The following DSG2 variants were observed in gnomAD, a reference collection of about 807,000 sequenced individuals.
The protein encoded by DSG2 is desmoglein 2.
In DSG2, 45 loss-of-function variants were observed where a neutral mutation model predicts 75.6. The ratio of observed to expected loss-of-function variants is 0.60; its 90% confidence interval spans 0.47 to 0.76. The LOEUF is 0.76. Among genes scored for constraint, DSG2 ranks in the 30% least tolerant of loss-of-function variants. The probability of loss-of-function intolerance (pLI) is 0.00; values close to 1 mark genes in which losing one functional copy is unlikely to be tolerated. For synonymous variants in DSG2, 429 were observed against 483.9 expected, an observed-to-expected ratio of 0.89 and a Z score of 1.49; for missense variants, 1,267 against 1,357.4, an observed-to-expected ratio of 0.93 and a Z score of 1.05.
chr18:31,498,344 G>C (rs1335162397), intron 1 of DSG2, 48 bp downstream of exon 1: 12 of 1,249,598 alleles, frequency 9.6e-6, no homozygotes, highest in Non-Finnish European at 1.2e-5. Context: ...GGAGGGCGTC[G>C]GTAGGCGAGG....
intron 1 of DSG2, 86 bp downstream of exon 1, chr18:31,498,382 C>A: frequency 8.2e-7 from 1 of 1,224,574 alleles, no homozygotes; most frequent in Non-Finnish European, 1.0e-6. Context: ...GACTTGCCCG[C>A]CGCCCTTGTG....
intron 8 of DSG2, among the ~76,000 whole-genome samples, chr18:31,528,709 C>CAAA (rs561370463): frequency 2.7e-5 from 2 of 74,812 alleles, no homozygotes; most frequent in African/African-American, 4.5e-5. Context: ...GACTCCATCT[C>CAAA]AAAAAAAAAA....
chr18:31,537,933 G>T (rs1031105348), intron 11 of DSG2, among the ~76,000 whole-genome samples: 1 of 152,094 alleles, frequency 6.6e-6, no homozygotes, highest in Non-Finnish European at 1.5e-5. Flanking sequence ...GGCAGAGGTT[G>T]CAGTGAGCCA....
intron 1 of DSG2, among the ~76,000 whole-genome samples, chr18:31,510,894 G>A (rs955353333): frequency 5.3e-5 from 8 of 152,130 alleles, no homozygotes; most frequent in Non-Finnish European, 1.2e-4. Flanking sequence ...TTTAGTGTTT[G>A]GAGGAAACCT....
intron 1 of DSG2, among the ~76,000 whole-genome samples, chr18:31,498,660 G>T (rs1016483241): frequency 6.6e-6 from 1 of 152,150 alleles, no homozygotes; most frequent in African/African-American, 2.4e-5. Context: ...GACGAGAAAC[G>T]TGGAGGCAAT....
intron 11 of DSG2, 79 bp downstream of exon 11, chr18:31,536,508 T>G: frequency 7.2e-7 from 1 of 1,380,620 alleles, no homozygotes; most frequent in Admixed American, 2.0e-5. Flanking sequence ...GTATTTCTTC[T>G]CATAAATTAT....
rs1453091429 is a variant in DSG2 at position 31,536,462 on chromosome 18, A to G, written c.1651+33A>G. ...AAATCACTGGACTACATAGAAATCT[A>G]AATATTAAGCATGATATCTAAAATA... On this transcript the variant is annotated intron_variant, in intron 11 of 14. Transcript: ENST00000261590. The G allele has an allele frequency of 1.9e-6, 3 of 1,560,788 alleles. No individual in the cohort carries two copies. The South Asian group carries it at 3.4e-5, about 18-fold the overall frequency.
intron 13 of DSG2, chr18:31,542,278 G>A: frequency 1.7e-6 from 1 of 576,798 alleles, no homozygotes; most frequent in South Asian, 2.0e-5. Context: ...GAGTAAAGGA[G>A]CTGAGACTGT....
rs541961117 is a variant in DSG2, at chr18:31,508,915, G to C, written c.46-9324G>C. Among the ~76,000 whole-genome samples the C allele has an allele frequency of 6.6e-5, 10 of 152,178 alleles. No homozygotes were observed. The South Asian group carries it at 1.2e-3, about 19-fold the overall frequency. ...GGAAACTTGTTAGATACAAATTCTT[G>C]GACCCCATCCAGACCTACTGAGTCA... On this transcript the variant is annotated intron_variant, in intron 1 of 14. Coordinates refer to ENST00000261590, the MANE Select transcript of DSG2 (RefSeq NM_001943.5).
rs1491095224 is a variant in DSG2, at chr18:31,547,341, CAG to C, written c.*599_*600del. ...ACATTGTATGTTTCTGTGCACATGA[CAG>C]TGTGTGTGTGTGCACGTACATACTG... On this transcript the variant is annotated 3_prime_UTR_variant, in exon 15 of 15. Coordinates refer to ENST00000261590, the MANE Select transcript of DSG2 (RefSeq NM_001943.5). 12 of 183,190 alleles carry C rather than the reference CAG, an allele frequency of 6.6e-5. No individual in the cohort carries two copies. In the East Asian group the frequency reaches 1.5e-3, roughly 24 times the overall value. The allele number at this position is 183,190 out of a possible 1,614,324, so 11.3% of individuals were successfully genotyped here. A position where few individuals can be genotyped will look rare whatever the true frequency, so the allele number is the denominator to read the frequency against.
chr18:31,517,941 C>T (rs1030639772), intron 1 of DSG2, among the ~76,000 whole-genome samples: 8 of 151,952 alleles, frequency 5.3e-5, no homozygotes, highest in Non-Finnish European at 2.9e-5. Flanking sequence ...CCATAGGATG[C>T]GGAGTAAAGG....
At chr18:31,542,960 T>G (rs201183023) in intron 14 of DSG2, 108 bp downstream of exon 14, 20 of 269,258 alleles carry the variant, frequency 7.4e-5, no homozygotes, top group Non-Finnish European at 8.6e-5. Flanking sequence ...AGACTTTGGG[T>G]TTTTTTTTTT....
At chr18:31,530,094 C>A (rs1293653791) in intron 8 of DSG2, among the ~76,000 whole-genome samples, 4 of 152,008 alleles carry the variant, frequency 2.6e-5, no homozygotes, top group Non-Finnish European at 5.9e-5. Context: ...AAAGGTTAAT[C>A]TTTTATGGAA....
At position 31,546,050 on chromosome 18, in the gene DSG2, C is replaced by A. The variant is rs773831600; in HGVS notation, c.2664C>A (p.Phe888Leu). The change falls in exon 15 of 15, where the codon TTC (phenylalanine) becomes TTA (leucine). Residue 888 changes from phenylalanine to leucine, a missense_variant. Transcript: ENST00000261590. Reference protein sequence around the residue: ...SENTYSSGSSFPVPKSLQEAN... With the variant: ...SENTYSSGSSLPVPKSLQEAN... ...ATACCTACTCCTCTGGCAGTAGCTTCCCAGTTCCAAAATCTTTGCAAGAAG... is the reference window on the plus strand; with the variant it reads ...ATACCTACTCCTCTGGCAGTAGCTTACCAGTTCCAAAATCTTTGCAAGAAG... 9 of 1,614,050 alleles carry A rather than the reference C, an allele frequency of 5.6e-6. No homozygotes were observed.
intron 8 of DSG2, among the ~76,000 whole-genome samples, chr18:31,525,391 T>C (rs2073157327): frequency 1.3e-5 from 2 of 151,996 alleles, no homozygotes; most frequent in Admixed American, 1.3e-4. Context: ...TGGCGGCACA[T>C]GCCTGTAGTC....
intron 10 of DSG2, 102 bp downstream of exon 10, chr18:31,535,514 G>A (rs766111385): frequency 8.5e-5 from 97 of 1,137,730 alleles, no homozygotes; most frequent in Non-Finnish European, 1.1e-4. Flanking sequence ...ACCTAATCTC[G>A]GCCGGGAGCA....
rs397516701 is a variant in DSG2, at chr18:31,531,176, G to A, written c.1204G>A (p.Asp402Asn). The change falls in exon 9 of 15, where the codon GAT becomes AAT. Residue 402 changes from aspartate to asparagine, a missense_variant. Physicochemically the swap from Asp to Asn is conservative, Grantham distance 23. Coordinates refer to ENST00000261590, the MANE Select transcript of DSG2 (RefSeq NM_001943.5). ...CTCAATTTATGTTAGCGAGAGCATG[G>A]ATAGATCAAGCAAAGGCCAAATAAT... ...VISIYVSESM[D>N]RSSKGQIIGN... The A allele has an allele frequency of 1.2e-5, 20 of 1,614,148 alleles. No homozygotes were observed. The South Asian group carries it at 2.1e-4, about 17-fold the overall frequency.
rs370838110 is a variant in DSG2 at position 31,547,003 on chromosome 18, C to T, written c.*260C>T. The T allele has an allele frequency of 1.9e-6, 1 of 534,884 alleles. No individual in the cohort carries two copies. 33.1% of individuals were successfully genotyped at this position (534,884 alleles called of 1,614,324 possible). On this transcript the variant is annotated 3_prime_UTR_variant, in exon 15 of 15. Coordinates refer to ENST00000261590, the MANE Select transcript of DSG2 (RefSeq NM_001943.5). ...CCTTTTAGCAAGCTATGCAAACAAT[C>T]CTGATAAAACAAGATACATAGAGAG...
intron 1 of DSG2, among the ~76,000 whole-genome samples, chr18:31,513,065 G>T (rs1488832622): frequency 6.6e-6 from 1 of 152,148 alleles, no homozygotes; most frequent in Non-Finnish European, 1.5e-5. Flanking sequence ...TCTTTAATTT[G>T]CACATCAGCC....
Sources: allele counts gnomAD v4.1 joint callset (sites outside exome capture counted in the v4.1 genomes callset), GRCh38; gene constraint gnomAD v4.1.1; transcripts MANE v1.5; gene names NCBI Gene and HGNC (gene_info 2026-07-23, HGNC 2026-07-21).